Variants in HPSE2 observed in about 807,000 individuals in gnomAD.
The protein encoded by HPSE2 is heparanase 2 (inactive), also known as inactive heparanase-2.
HPSE2 carries 38 observed loss-of-function variants against 60.5 expected under a neutral mutation model. The ratio of observed to expected loss-of-function variants is 0.63; its 90% CI spans 0.48 to 0.82. The LOEUF (loss-of-function observed/expected upper bound fraction) is 0.82. HPSE2 is among the 40% of genes least tolerant of loss of function. HPSE2 has a pLI of 0.00. For missense variants in HPSE2, 713 were observed against 740.4 expected (o/e 0.96, Z 0.43); for synonymous variants, 295 against 293.2 (o/e 1.01, Z -0.06).
Position 98,983,676 on chromosome 10 carries a change from A to G in HPSE2, c.610+160562T>C, listed in dbSNP as rs550914558. ...GAAGTAAAGCTCAAACTTCGGCGTG[A>G]GCCAAAGCAGGGCAAGGCATCGCCT... On this transcript the variant is annotated intron_variant, in intron 3 of 11. Transcript: ENST00000370552. Among the ~76,000 whole-genome samples, 181 of 152,308 alleles carry G rather than the reference A, an allele frequency of 1.2e-3. 1 individual carries two copies. The highest frequency in any genetic ancestry group is 1.7e-3 in the Non-Finnish European group (117 of 68,030).
At chr10:98,494,733 C>G (rs551183407) in intron 9 of HPSE2, among the ~76,000 whole-genome samples, 105 of 152,258 alleles carry the variant, frequency 6.9e-4, no homozygotes, top group Middle Eastern at 3.4e-3. Context: ...GTCCCCAAAA[C>G]ATAAACTGAT....
At position 98,577,937 on chromosome 10, in the gene HPSE2, C is replaced by A. The variant is rs1035273261; in HGVS notation, c.1320+36967G>T. 7.2e-5 allele frequency among the ~76,000 whole-genome samples: 11 copies of A among 152,096 alleles called. No individual in the cohort carries two copies. In the East Asian group the frequency reaches 1.9e-3, roughly 27 times the overall value. On this transcript the variant is annotated intron_variant, in intron 9 of 11. Coordinates refer to ENST00000370552, the MANE Select transcript of HPSE2 (RefSeq NM_021828.5). ...GGGTTAAGAAACCTTTTCAGGAATT[C>A]TTTCATTATTTGATAAGATTGGGAA...
chr10:99,156,367 A>T (rs1270654796), intron 2 of HPSE2, among the ~76,000 whole-genome samples: 1 of 143,658 alleles, frequency 7.0e-6, no homozygotes, highest in Non-Finnish European at 1.5e-5. Context: ...TTCTGGCAAA[A>T]CGAATCCAGC....
At chr10:98,603,469 C>CTTTTTTTTTT in intron 9 of HPSE2, among the ~76,000 whole-genome samples, 1 of 144,360 alleles carries the variant, frequency 6.9e-6, no homozygotes, top group African/African-American at 2.5e-5. Flanking sequence ...CTTGCTCTGT[C>CTTTTTTTTTT]GCCAGGCTGG....
intron 3 of HPSE2, among the ~76,000 whole-genome samples, chr10:99,015,653 C>A (rs9420751): frequency 0.85 from 111,543 of 131,674 alleles, 46,139 homozygotes; most frequent in South Asian, 0.9. Flanking sequence ...GAACATCAAA[C>A]ACCGGGGCCT....
intron 9 of HPSE2, among the ~76,000 whole-genome samples, chr10:98,573,127 T>C (rs1329404015): frequency 6.6e-6 from 1 of 152,244 alleles, no homozygotes; most frequent in Non-Finnish European, 1.5e-5. Context: ...AAGGAGATGA[T>C]ACCTATCTCA....
intron 9 of HPSE2, among the ~76,000 whole-genome samples, chr10:98,519,276 T>G (rs928664077): frequency 6.6e-6 from 1 of 152,238 alleles, no homozygotes; most frequent in Non-Finnish European, 1.5e-5. Flanking sequence ...TCTCACACCT[T>G]GAAGAGCTCA....
chr10:98,761,429 G>A (rs188976283), intron 3 of HPSE2, among the ~76,000 whole-genome samples: 6 of 151,752 alleles, frequency 4.0e-5, no homozygotes, highest in African/African-American at 9.7e-5. Context: ...GCTAACTTTC[G>A]GTTTCATTTG....
chr10:98,806,763 A>T (rs1951051257), intron 3 of HPSE2, among the ~76,000 whole-genome samples: 1 of 152,214 alleles, frequency 6.6e-6, no homozygotes, highest in African/African-American at 2.4e-5. Context: ...TTCAGAAAAG[A>T]TGTTGCATAT....
At chr10:98,907,268 G>C (rs1330313885) in intron 3 of HPSE2, among the ~76,000 whole-genome samples, 1 of 152,074 alleles carries the variant, frequency 6.6e-6, no homozygotes, top group Admixed American at 6.6e-5. Context: ...TGCTATCCGT[G>C]TCAAATATAG....
intron 3 of HPSE2, among the ~76,000 whole-genome samples, chr10:98,849,905 C>T (rs376243001): frequency 1.4e-4 from 21 of 152,006 alleles, no homozygotes; most frequent in African/African-American, 4.3e-4. Context: ...TCACCATGCC[C>T]GGCTAATTTT....
chr10:98,925,706 C>T (rs184349142), intron 3 of HPSE2, among the ~76,000 whole-genome samples: 4 of 152,264 alleles, frequency 2.6e-5, no homozygotes, highest in African/African-American at 9.6e-5. Flanking sequence ...AAATAGGACA[C>T]AAATTTTTTA....
intron 6 of HPSE2, among the ~76,000 whole-genome samples, chr10:98,667,774 A>G (rs1448613393): frequency 6.6e-6 from 1 of 152,216 alleles, no homozygotes; most frequent in Non-Finnish European, 1.5e-5. Flanking sequence ...TCAAAGGCAC[A>G]TACATCAAAA....
chr10:98,490,102 C>T lies in HPSE2; in HGVS notation c.1415G>A (p.Arg472Gln), dbSNP rs778068501. 1.8e-5 allele frequency: 29 copies of T among 1,614,122 alleles called. No individual in the cohort carries two copies. Among genetic ancestry groups the T allele is most frequent in the East Asian group, 2.2e-5 (1 of 44,906 alleles). The change falls in exon 10 of 12, where the codon CGA (arginine) becomes CAA (glutamine). Residue 472 changes from arginine to glutamine, a missense_variant. By Grantham distance (43) the Arg-to-Gln change is conservative (BLOSUM62 1). Coordinates refer to ENST00000370552, the MANE Select transcript of HPSE2 (RefSeq NM_021828.5). ...AATCCTTAGTTTGTCCCGGATCACT[C>T]GGCCAGGCCGTGGCTTCCGCTGGAG... ...AGLQRKPRPG[R>Q]VIRDKLRIYA...
At chr10:98,511,208 TG>T (rs1399051654) in intron 9 of HPSE2, among the ~76,000 whole-genome samples, 2 of 151,980 alleles carry the variant, frequency 1.3e-5, no homozygotes, top group African/African-American at 2.4e-5. Flanking sequence ...TGGAGTGCAG[TG>T]GCACGATCTT....
At chr10:98,960,717 TTTTGTTTTATTTTTTTTATTTTA>T (rs1955642422) in intron 3 of HPSE2, among the ~76,000 whole-genome samples, 1 of 21,936 alleles carries the variant, frequency 4.6e-5, no homozygotes, top group African/African-American at 1.8e-4. Context: ...TTTTTTTTTT[TTTTGTTTTATTTTTTTTATTTTA>T]TTTTTTTTTT....
rs113633161 is a variant in HPSE2 at position 98,693,965 on chromosome 10, A to AAAAAAGATAT, written c.957-28_957-19dup. On this transcript the variant is annotated intron_variant, in intron 5 of 11. Transcript: ENST00000370552. ...TCATGAATCTGTAAGGAATAGAAAG[A>AAAAAAGATAT]AAAAAGATATTACAACTTAGATTAA... 0.034 allele frequency: 54,449 copies of AAAAAAGATAT among 1,593,762 alleles called. 1,691 individuals carry two copies. The highest frequency in any genetic ancestry group is 0.12 in the East Asian group (5,332 of 44,676).
chr10:98,862,494 A>G (rs1223007089), intron 3 of HPSE2, among the ~76,000 whole-genome samples: 2 of 152,122 alleles, frequency 1.3e-5, no homozygotes, highest in Non-Finnish European at 2.9e-5. Flanking sequence ...TCTCATACTG[A>G]AATGTGGATG....
At chr10:98,679,826 G>C (rs1352997187) in intron 6 of HPSE2, among the ~76,000 whole-genome samples, 3 of 151,930 alleles carry the variant, frequency 2.0e-5, no homozygotes, top group South Asian at 4.2e-4. Flanking sequence ...TGTGTAGCTA[G>C]AACTACATGC....
Sources: allele counts gnomAD v4.1 joint callset (sites outside exome capture counted in the v4.1 genomes callset), GRCh38; gene constraint gnomAD v4.1.1; transcripts MANE v1.5; gene names NCBI Gene and HGNC (gene_info 2026-07-23, HGNC 2026-07-21).